Variants in PEBP4 observed in about 807,000 individuals in gnomAD.
The protein encoded by PEBP4 is phosphatidylethanolamine binding protein 4.
PEBP4 carries 22 observed loss-of-function variants against 23.9 expected under a neutral mutation model. The ratio of observed to expected loss-of-function variants is 0.92; its 90% CI spans 0.66 to 1.31. PEBP4 has a LOEUF of 1.31. PEBP4 is among the 40% of genes most tolerant of loss of function. The pLI, the probability that PEBP4 is intolerant of heterozygous loss-of-function variation, is 0.00. For synonymous variants in PEBP4, 112 were observed against 99.3 expected, an observed-to-expected ratio of 1.13 and a Z score of -0.76; for missense variants, 324 against 281.7, an observed-to-expected ratio of 1.15 and a Z score of -1.07.
At chr8:22,838,369 A>T (rs1378200446) in intron 3 of PEBP4, among the ~76,000 whole-genome samples, 1 of 152,144 alleles carries the variant, frequency 6.6e-6, no homozygotes, top group Non-Finnish European at 1.5e-5. Flanking sequence ...ATGTTCTGGA[A>T]AGGGAAAGAA....
chr8:22,773,952 G>T (rs370962522), intron 4 of PEBP4, among the ~76,000 whole-genome samples: 14 of 152,148 alleles, frequency 9.2e-5, no homozygotes, highest in Admixed American at 8.5e-4. Flanking sequence ...CTATACACAG[G>T]GGGTAGGGTA....
intron 2 of PEBP4, among the ~76,000 whole-genome samples, chr8:22,925,821 T>A (rs1261645465): frequency 6.6e-6 from 1 of 152,166 alleles, no homozygotes; most frequent in Non-Finnish European, 1.5e-5. Flanking sequence ...TACGGGGGTG[T>A]TGACCTTGCA....
At chr8:22,879,971 G>A (rs531346742) in intron 3 of PEBP4, among the ~76,000 whole-genome samples, 143 of 152,320 alleles carry the variant, frequency 9.4e-4, no homozygotes, top group African/African-American at 3.4e-3. Context: ...TTGTTGTGGC[G>A]GTTGTCTCCG....
At chr8:22,801,317 G>C (rs1409525966) in intron 4 of PEBP4, among the ~76,000 whole-genome samples, 1 of 152,112 alleles carries the variant, frequency 6.6e-6, no homozygotes, top group Non-Finnish European at 1.5e-5. Context: ...GGGGCTCACA[G>C]AGGCAGGTGA....
At chr8:22,723,592 G>A (rs1011954885) in intron 6 of PEBP4, among the ~76,000 whole-genome samples, 8 of 152,220 alleles carry the variant, frequency 5.3e-5, no homozygotes, top group African/African-American at 1.7e-4. Flanking sequence ...GGTGAGATCG[G>A]TAGCCAGGGT....
At chr8:22,814,628 T>A (rs543432083) in intron 4 of PEBP4, among the ~76,000 whole-genome samples, 29 of 152,230 alleles carry the variant, frequency 1.9e-4, no homozygotes, top group African/African-American at 6.7e-4. Context: ...AATATCAGGG[T>A]CAGCTGAAGT....
At chr8:22,791,304 A>C (rs1806135403) in intron 4 of PEBP4, among the ~76,000 whole-genome samples, 1 of 152,028 alleles carries the variant, frequency 6.6e-6, no homozygotes, top group Non-Finnish European at 1.5e-5. Flanking sequence ...TTCTTTCCTC[A>C]CCCGCAAATG....
intron 4 of PEBP4, among the ~76,000 whole-genome samples, chr8:22,787,835 C>T (rs939990092): frequency 2.0e-5 from 3 of 152,152 alleles, no homozygotes; most frequent in Admixed American, 1.3e-4. Context: ...AGCTGGGTCA[C>T]AGGAGGGCCC....
At position 22,817,752 on chromosome 8, in the gene PEBP4, G is replaced by T. The variant is rs372422997; in HGVS notation, c.259-17C>A. ...GGTTGCGCCCTGTAACACATGTACC[G>T]AAAAGTAATGTAGCGTCATGGCTGA... On this transcript the variant is annotated splice_polypyrimidine_tract_variant and intron_variant, in intron 3 of 6. Transcript: ENST00000256404. 6.2e-7 allele frequency: 1 copy of T among 1,605,376 alleles called. No homozygotes were observed. The highest frequency in any genetic ancestry group is 1.1e-5 in the South Asian group (1 of 90,888).
chr8:22,749,353 G>A (rs917140627), intron 4 of PEBP4, among the ~76,000 whole-genome samples: 40 of 152,098 alleles, frequency 2.6e-4, no homozygotes, highest in Admixed American at 1.6e-3. Context: ...TTTTAGCTCC[G>A]TAGGCAAGAC....
chr8:22,737,138 A>G (rs966586990), intron 4 of PEBP4, among the ~76,000 whole-genome samples: 1 of 152,096 alleles, frequency 6.6e-6, no homozygotes, highest in African/African-American at 2.4e-5. Flanking sequence ...TATTAAAAAT[A>G]CAAAAATTAG....
At chr8:22,809,262 G>A (rs1191852289) in intron 4 of PEBP4, among the ~76,000 whole-genome samples, 1 of 152,118 alleles carries the variant, frequency 6.6e-6, no homozygotes, top group Admixed American at 6.6e-5. Context: ...ACAGATTCAG[G>A]GAGGTAAACA....
At position 22,914,745 on chromosome 8, in the gene PEBP4, G is replaced by T. The variant is rs183775440; in HGVS notation, c.258+5439C>A. Among the ~76,000 whole-genome samples the T allele has an allele frequency of 2.6e-5, 4 of 152,288 alleles. No homozygotes were observed. In the East Asian group the frequency reaches 7.7e-4, roughly 29 times the overall value. On this transcript the variant is annotated intron_variant, in intron 3 of 6. Transcript: ENST00000256404. Reference sequence around the variant, plus strand: ...GAGTCAGATGGCAGACCTGCCTCTCGGGCAGCTACCTCTGGATGCTACAGC... The same window carrying T: ...GAGTCAGATGGCAGACCTGCCTCTCTGGCAGCTACCTCTGGATGCTACAGC...
intron 3 of PEBP4, among the ~76,000 whole-genome samples, chr8:22,905,998 C>G (rs114690668): frequency 6.6e-6 from 1 of 152,170 alleles, no homozygotes; most frequent in Non-Finnish European, 1.5e-5. Flanking sequence ...TTACCCATCA[C>G]TCTATTTGCA....
intron 3 of PEBP4, among the ~76,000 whole-genome samples, chr8:22,860,640 C>G (rs180928454): frequency 7.9e-5 from 12 of 152,084 alleles, no homozygotes; most frequent in African/African-American, 2.9e-4. Context: ...CTTTTTTGCC[C>G]TCTCAAAATC....
chr8:22,774,044 C>T (rs1805767720), intron 4 of PEBP4, among the ~76,000 whole-genome samples: 1 of 152,100 alleles, frequency 6.6e-6, no homozygotes, highest in Non-Finnish European at 1.5e-5. Context: ...AACTATAAAA[C>T]GGGCACCACA....
intron 4 of PEBP4, among the ~76,000 whole-genome samples, chr8:22,801,723 C>A (rs1806386293): frequency 6.6e-6 from 1 of 152,068 alleles, no homozygotes; most frequent in Non-Finnish European, 1.5e-5. Flanking sequence ...CATGCATGCA[C>A]ACACATGCAC....
chr8:22,890,873 G>A (rs573252417), intron 3 of PEBP4, among the ~76,000 whole-genome samples: 6 of 152,204 alleles, frequency 3.9e-5, no homozygotes, highest in African/African-American at 1.4e-4. Context: ...TGTCACCCAG[G>A]CTGGAATGCA....
intron 4 of PEBP4, among the ~76,000 whole-genome samples, chr8:22,787,664 C>G (rs984454505): frequency 3.9e-5 from 6 of 152,248 alleles, no homozygotes; most frequent in Non-Finnish European, 8.8e-5. Context: ...AACATGGCCT[C>G]TACTCTCAAG....
Sources: allele counts gnomAD v4.1 joint callset (sites outside exome capture counted in the v4.1 genomes callset), GRCh38; gene constraint gnomAD v4.1.1; transcripts MANE v1.5; gene names NCBI Gene and HGNC (gene_info 2026-07-23, HGNC 2026-07-21).